The following RGMA variants were observed in gnomAD, a reference collection of about 807,000 sequenced individuals.
The protein encoded by RGMA is repulsive guidance molecule A.
A neutral mutation model predicts 23.2 loss-of-function variants in RGMA; 10 were observed. The ratio of observed to expected loss-of-function variants is 0.43; its 90% confidence interval spans 0.27 to 0.73. The LOEUF (loss-of-function observed/expected upper bound fraction) is 0.73. Ranked by LOEUF, RGMA falls within the 30% of genes least tolerant of loss-of-function variation. RGMA has a pLI of 0.20. For missense variants in RGMA, 547 were observed against 630.5 expected, an observed-to-expected ratio of 0.87 and a Z score of 1.42; for synonymous variants, 308 against 279.3, an observed-to-expected ratio of 1.10 and a Z score of -1.03.
intron 2 of RGMA, among the ~76,000 whole-genome samples, chr15:93,060,591 G>A (rs1009275624): frequency 7.9e-5 from 12 of 152,222 alleles, no homozygotes; most frequent in Admixed American, 7.8e-4. Context: ...GCAACCATCT[G>A]ACCCATTTGC....
rs2054716041 is a variant in RGMA, at chr15:93,040,931, C to A, written c.*4067G>T. 1 of 152,126 alleles carries A rather than the reference C, an allele frequency of 6.6e-6. No homozygotes were observed. The highest frequency in any genetic ancestry group is 2.1e-4 in the South Asian group (1 of 4,824). 9.4% of individuals were successfully genotyped at this position (152,126 alleles called of 1,614,324 possible). A position where few individuals can be genotyped will look rare whatever the true frequency, so the allele number is the denominator to read the frequency against. ...CCTCGGGAGGTGGAGACTCACAAAT[C>A]CATTTTACAAATAAGGAATCTAAGG... is the stretch of plus-strand genomic sequence containing the variant. On this transcript the variant is annotated 3_prime_UTR_variant, in exon 4 of 4. Transcript: ENST00000329082.
chr15:93,080,561 G>A (rs541053713), intron 1 of RGMA, among the ~76,000 whole-genome samples: 50 of 152,208 alleles, frequency 3.3e-4, no homozygotes, highest in South Asian at 2.9e-3. Context: ...GGGGCTTTTC[G>A]TTTTCTCTCT....
In RGMA at chr15:93,042,735, T is replaced by C. The variant is rs1231820041; in HGVS notation, c.*2263A>G. 2 of 152,262 alleles carry C rather than the reference T, an allele frequency of 1.3e-5. No homozygotes were observed. The highest frequency in any genetic ancestry group is 2.9e-5 in the Non-Finnish European group (2 of 68,054). The allele number at this position is 152,262 out of a possible 1,614,324, so 9.4% of individuals were successfully genotyped here. A position where few individuals can be genotyped will look rare whatever the true frequency, so the allele number is the denominator to read the frequency against. On this transcript the variant is annotated 3_prime_UTR_variant, in exon 4 of 4. Coordinates refer to ENST00000329082, the MANE Select transcript of RGMA (RefSeq NM_020211.3). The stretch of plus-strand genomic sequence containing the variant: ...GGGCCTGAATTTCTTCCTGATTCAC[T>C]GGGTAGTTTGTACAGATGAAATGTG...
rs1309970427 is a variant in RGMA at position 93,089,141 on chromosome 15, C to G, written c.-209G>C. The G allele has an allele frequency of 3.0e-6, 1 of 331,490 alleles. No individual in the cohort carries two copies. The highest frequency in any genetic ancestry group is 5.4e-6 in the Non-Finnish European group (1 of 183,862). 20.5% of individuals were successfully genotyped at this position (331,490 alleles called of 1,614,324 possible). A position where few individuals can be genotyped will look rare whatever the true frequency, so the allele number is the denominator to read the frequency against. Reference sequence around the variant, plus strand: ...GCGCCTGGCGGAGCCGGCCCGGGAGCGAACGGCCAGTGCTTCCCCGGCCCA... The same window carrying G: ...GCGCCTGGCGGAGCCGGCCCGGGAGGGAACGGCCAGTGCTTCCCCGGCCCA... On this transcript the variant is annotated 5_prime_UTR_variant, in exon 1 of 4. Coordinates refer to ENST00000329082, the MANE Select transcript of RGMA (RefSeq NM_020211.3).
At chr15:93,084,834 G>A (rs1895612780) in intron 1 of RGMA, among the ~76,000 whole-genome samples, 1 of 152,132 alleles carries the variant, frequency 6.6e-6, no homozygotes. Context: ...CAGATCAGTT[G>A]AGAAAAGTAT....
chr15:93,053,833 C>T (rs558262060), intron 2 of RGMA, among the ~76,000 whole-genome samples: 1 of 152,180 alleles, frequency 6.6e-6, no homozygotes, highest in Non-Finnish European at 1.5e-5. Flanking sequence ...TCACGTGACC[C>T]GTTTGCCATA....
chr15:93,059,646 C>T (rs571014439), intron 2 of RGMA, among the ~76,000 whole-genome samples: 5 of 152,304 alleles, frequency 3.3e-5, no homozygotes, highest in East Asian at 1.9e-4. Flanking sequence ...GCAGTCCCCA[C>T]GGGCAGCGAC....
chr15:93,082,366 C>T (rs1273641469), intron 1 of RGMA, among the ~76,000 whole-genome samples: 1 of 152,082 alleles, frequency 6.6e-6, no homozygotes, highest in Non-Finnish European at 1.5e-5. Context: ...AAAAAACTCC[C>T]CCATGTAACC....
In RGMA at chr15:93,052,107, G is replaced by A; in HGVS notation, c.531C>T (p.Arg177=). 6.2e-7 allele frequency: 1 copy of A among 1,613,852 alleles called. No homozygotes were observed. The highest frequency in any genetic ancestry group is 8.5e-7 in the Non-Finnish European group (1 of 1,179,844). Residue 177 remains arginine (R), a synonymous_variant, in exon 3 of 4, where the codon CGC becomes CGT. Transcript: ENST00000329082. ...GDPHLRTFTD[R]FQTCKVQGAW... is the part of the protein sequence containing the mutation. ...CGCCCTGCACCTTGCAGGTCTGGAA[G>A]CGGTCGGTGAAAGTCCTGAGGTGTG...
intron 1 of RGMA, among the ~76,000 whole-genome samples, chr15:93,083,165 G>C (rs929100284): frequency 6.6e-6 from 1 of 152,230 alleles, no homozygotes; most frequent in Non-Finnish European, 1.5e-5. Flanking sequence ...CTGGAGCTTA[G>C]GTATCTACTT....
At chr15:93,079,957 A>G (rs1895531974) in intron 1 of RGMA, among the ~76,000 whole-genome samples, 2 of 152,180 alleles carry the variant, frequency 1.3e-5, no homozygotes, top group Non-Finnish European at 2.9e-5. Flanking sequence ...CATCTTCATT[A>G]TCTGAGGCTT....
chr15:93,072,764 G>A lies in RGMA; in HGVS notation c.130+152C>T, dbSNP rs111604064. 8.7e-4 allele frequency among the ~76,000 whole-genome samples: 132 copies of A among 152,266 alleles called. 1 individual carries two copies. The highest frequency in any genetic ancestry group is 3.1e-3 in the African/African-American group (130 of 41,562). Reference sequence around the variant, plus strand: ...GGGCAGGCATCGCACCCACGACGGGGTGCGGGAGAAACAAAAGACCCGTGG... The same window carrying A: ...GGGCAGGCATCGCACCCACGACGGGATGCGGGAGAAACAAAAGACCCGTGG... On this transcript the variant is annotated intron_variant, in intron 2 of 3. Transcript: ENST00000329082.
Position 93,046,412 on chromosome 15 carries a change from G to A in RGMA, c.646-707C>T, listed in dbSNP as rs531828062. 3.9e-5 allele frequency among the ~76,000 whole-genome samples: 6 copies of A among 152,228 alleles called. No homozygotes were observed. In the South Asian group the frequency reaches 1.0e-3, roughly 26 times the overall value. On this transcript the variant is annotated intron_variant, in intron 3 of 3. Transcript: ENST00000329082. ...GCTGATACCTTGATTTTATCCCCAC[G>A]AGACATATTCCCAACTTCCGGCCTC...
intron 2 of RGMA, among the ~76,000 whole-genome samples, chr15:93,056,619 A>AC (rs1298906520): frequency 6.6e-6 from 1 of 152,014 alleles, no homozygotes; most frequent in Non-Finnish European, 1.5e-5. Context: ...AGGCTTCAGG[A>AC]CCCTGGTGGT....
At position 93,040,272 on chromosome 15, in the gene RGMA, G is replaced by A. The variant is rs911127779; in HGVS notation, c.*4726C>T. 2.6e-5 allele frequency: 4 copies of A among 152,382 alleles called. No individual in the cohort carries two copies. The highest frequency in any genetic ancestry group is 6.5e-5 in the Admixed American group (1 of 15,294). 9.4% of individuals were successfully genotyped at this position (152,382 alleles called of 1,614,324 possible). ...ATTCCTACACTCAAAGCCCGTGAAC[G>A]GCTTCCTCTGGCAACTGGAGTCAAA... is the stretch of plus-strand genomic sequence containing the variant. On this transcript the variant is annotated 3_prime_UTR_variant, in exon 4 of 4. Coordinates refer to ENST00000329082, the MANE Select transcript of RGMA (RefSeq NM_020211.3).
chr15:93,074,946 G>A (rs1460151395), intron 1 of RGMA, among the ~76,000 whole-genome samples: 1 of 152,164 alleles, frequency 6.6e-6, no homozygotes, highest in African/African-American at 2.4e-5. Flanking sequence ...AAGTCACCTG[G>A]ACAGTAATTA....
intron 1 of RGMA, among the ~76,000 whole-genome samples, chr15:93,087,219 T>C (rs1449289415): frequency 6.6e-6 from 1 of 152,160 alleles, no homozygotes; most frequent in East Asian, 1.9e-4. Context: ...CAGGGTGCCC[T>C]TCAGAACCGG....
Position 93,045,474 on chromosome 15 carries a change from C to G in RGMA, c.877G>C (p.Ala293Pro). The stretch of plus-strand genomic sequence containing the variant: ...ACCACTTCCTCTGGCATGCGGACGG[C>G]AAAGGTCAGGTAGCGGCCCACCTGG... ...VRQVGRYLTF[A>P]VRMPEEVVNA... is the part of the protein sequence containing the mutation. The change falls in exon 4 of 4, where the codon GCC becomes CCC. Residue 293 changes from alanine to proline, a missense_variant. Around this residue, in one of 3 missense-constraint regions of RGMA, gnomAD observed 128 missense variants for 191.7 expected, o/e 0.67. Coordinates refer to ENST00000329082, the MANE Select transcript of RGMA (RefSeq NM_020211.3). This position sits in a 1 kb window ranked among gnomAD's most constrained non-coding sequence, Gnocchi z 6.9. 1 of 1,613,194 alleles carries G rather than the reference C, an allele frequency of 6.2e-7. No individual in the cohort carries two copies. Among genetic ancestry groups the G allele is most frequent in the East Asian group, 2.2e-5 (1 of 44,862 alleles).
intron 2 of RGMA, chr15:93,065,962 C>T (rs945982671): frequency 1.2e-5 from 11 of 911,730 alleles, no homozygotes; most frequent in East Asian, 2.5e-5. Flanking sequence ...GGGTGGGGGG[C>T]GCCGTCGTCT....
Sources: gnomAD v4.1 joint callset for allele counts (sites outside exome capture counted in the v4.1 genomes callset) on GRCh38, gnomAD v4.1.1 for gene constraint, gnomAD v4.1.1 regional missense constraint, Gnocchi (gnomAD v3.1) non-coding constraint, MANE v1.5 for transcripts, NCBI Gene and HGNC (gene_info 2026-07-23, HGNC 2026-07-21) for gene names.